SIN3B: variants seen among roughly 807,000 people sequenced by gnomAD.
SIN3B encodes the protein SIN3 transcription regulator family member B, also known as paired amphipathic helix protein Sin3b.
A neutral mutation model predicts 120.2 loss-of-function variants in SIN3B; 19 were observed. The ratio of observed to expected loss-of-function variants is 0.16; its 90% CI spans 0.11 to 0.23. The LOEUF (loss-of-function observed/expected upper bound fraction) is 0.23, where lower values mean the gene tolerates loss of function less well. SIN3B is among the 10% of genes least tolerant of loss of function. The pLI, the probability that SIN3B is intolerant of heterozygous loss-of-function variation, is 1.00. For missense variants in SIN3B, 1,073 were observed against 1,573.0 expected (o/e 0.68, Z 5.38); for synonymous variants, 654 against 653.2 (o/e 1.00, Z -0.02).
chr19:16,832,232 C>T (rs906213542), intron 3 of SIN3B, among the ~76,000 whole-genome samples: 2 of 138,638 alleles, frequency 1.4e-5, no homozygotes, highest in African/African-American at 2.7e-5. Flanking sequence ...GAGTCTGGCT[C>T]TGTCACCCAG....
Position 16,833,960 on chromosome 19 carries a change from C to T in SIN3B, c.381+2313C>T, listed in dbSNP as rs143109798. ...CAGGCTGGTCTCGAACTCCTGACCC[C>T]GTGATTCGCCCACCTCTGCCTCCCA... On this transcript the variant is annotated intron_variant, in intron 3 of 18. Coordinates refer to ENST00000248054, the MANE Select transcript of SIN3B (RefSeq NM_001297595.2). Among the ~76,000 whole-genome samples the T allele has an allele frequency of 8.6e-5, 13 of 152,034 alleles. No individual in the cohort carries two copies. The East Asian group carries it at 9.8e-4, about 11-fold the overall frequency.
chr19:16,833,399 C>T (rs986116949), intron 3 of SIN3B, among the ~76,000 whole-genome samples: 3 of 151,252 alleles, frequency 2.0e-5, no homozygotes, highest in East Asian at 2.0e-4. Context: ...TTTGGGGGGC[C>T]GAGATGGGTA....
At chr19:16,858,752 C>G (rs1412077633) in intron 8 of SIN3B, among the ~76,000 whole-genome samples, 1 of 151,952 alleles carries the variant, frequency 6.6e-6, no homozygotes, top group Non-Finnish European at 1.5e-5. Context: ...GAGTTCAAGA[C>G]CAGCGTAACC....
chr19:16,849,279 A>G (rs1374073081), intron 5 of SIN3B, among the ~76,000 whole-genome samples: 2 of 152,238 alleles, frequency 1.3e-5, no homozygotes, highest in Non-Finnish European at 2.9e-5. Context: ...GATAGTAAGT[A>G]TCACAGGCTT....
Position 16,876,387 on chromosome 19 carries a change from G to A in SIN3B, c.2767-99G>A. On this transcript the variant is annotated intron_variant, in intron 15 of 18. Coordinates refer to ENST00000248054, the MANE Select transcript of SIN3B (RefSeq NM_001297595.2). This position sits in a 1 kb window ranked among gnomAD's most constrained non-coding sequence, Gnocchi z 7.1. The stretch of plus-strand genomic sequence containing the variant: ...ACCTGCAGGAAGCATCAGGGCTTTG[G>A]GAGGGTGGCAAAGGCGGGAGGCGGG... 1 of 1,425,246 alleles carries A rather than the reference G, an allele frequency of 7.0e-7. No homozygotes were observed. Among genetic ancestry groups the A allele is most frequent in the Non-Finnish European group, 9.7e-7 (1 of 1,035,928 alleles). The allele number at this position is 1,425,246 out of a possible 1,614,324, so 88.3% of individuals were successfully genotyped here.
chr19:16,876,773 C>G lies in SIN3B; in HGVS notation c.2859+195C>G, dbSNP rs913221356. On this transcript the variant is annotated intron_variant, in intron 16 of 18. Coordinates refer to ENST00000248054, the MANE Select transcript of SIN3B (RefSeq NM_001297595.2). This position sits in a 1 kb window ranked among gnomAD's most constrained non-coding sequence, Gnocchi z 7.1. Reference sequence around the variant, plus strand: ...CCCCACCAGGCTCTCTTCTGTGCCCCCTCTCCAAAGAGCAGACCACTCCTC... The same window carrying G: ...CCCCACCAGGCTCTCTTCTGTGCCCGCTCTCCAAAGAGCAGACCACTCCTC... Among the ~76,000 whole-genome samples, 1 of 152,160 alleles carries G rather than the reference C, an allele frequency of 6.6e-6. No homozygotes were observed. Among genetic ancestry groups the G allele is most frequent in the South Asian group, 2.1e-4 (1 of 4,834 alleles).
intron 14 of SIN3B, among the ~76,000 whole-genome samples, chr19:16,875,266 T>G (rs967506076): frequency 6.5e-5 from 9 of 139,168 alleles, no homozygotes; most frequent in East Asian, 2.3e-4. Flanking sequence ...GGTCTGGTTT[T>G]GGTCTGGTTT....
At chr19:16,872,014 C>T (rs2051518194) in intron 14 of SIN3B, among the ~76,000 whole-genome samples, 1 of 151,996 alleles carries the variant, frequency 6.6e-6, no homozygotes, top group South Asian at 2.1e-4. Context: ...GTAGCAAAAA[C>T]CCAGGCCCCA....
chr19:16,854,281 G>A lies in SIN3B; in HGVS notation c.1058+20G>A, dbSNP rs748032730. On this transcript the variant is annotated intron_variant, in intron 8 of 18. Coordinates refer to ENST00000248054, the MANE Select transcript of SIN3B (RefSeq NM_001297595.2). ...TCTGGGGTGAGCAGCTGACTTCCCA[G>A]GGCTCCCTAGGGGGGTTCTGTTCCT... is the stretch of plus-strand genomic sequence containing the variant. The A allele has an allele frequency of 2.6e-6, 4 of 1,524,724 alleles. No individual in the cohort carries two copies. In the Admixed American group the frequency reaches 6.8e-5, roughly 26 times the overall value. 94.4% of individuals were successfully genotyped at this position (1,524,724 alleles called of 1,614,324 possible).
At chr19:16,831,086 G>A (rs899629480) in intron 2 of SIN3B, among the ~76,000 whole-genome samples, 5 of 149,256 alleles carry the variant, frequency 3.3e-5, no homozygotes, top group African/African-American at 9.9e-5. Context: ...TTTTTGAGAT[G>A]GATTCTCGTG....
intron 6 of SIN3B, among the ~76,000 whole-genome samples, chr19:16,852,410 G>T (rs1971557373): frequency 6.6e-6 from 1 of 152,164 alleles, no homozygotes; most frequent in Non-Finnish European, 1.5e-5. Context: ...CCACAGGTGT[G>T]CACCACCACA....
At chr19:16,853,211 G>A (rs770001902) in intron 7 of SIN3B, 53 bp downstream of exon 7, 115 of 1,525,206 alleles carry the variant, frequency 7.5e-5, no homozygotes, top group Non-Finnish European at 1.0e-4. Context: ...AGCTGGCTGG[G>A]CCAATGCTCC....
Position 16,862,029 on chromosome 19 carries a change from A to G in SIN3B, c.1059-323A>G, listed in dbSNP as rs574980235. Reference sequence around the variant, plus strand: ...GCCTGAAGCCTGGCCTCTTCCAGTCAGGGAACATCAGGGGTTCCAGCTTCT... The same window carrying G: ...GCCTGAAGCCTGGCCTCTTCCAGTCGGGGAACATCAGGGGTTCCAGCTTCT... On this transcript the variant is annotated intron_variant, in intron 8 of 18. Transcript: ENST00000248054. This position sits in a 1 kb window ranked among gnomAD's most constrained non-coding sequence, Gnocchi z 4.7. Among the ~76,000 whole-genome samples the G allele has an allele frequency of 1.3e-5, 2 of 152,344 alleles. No homozygotes were observed. Among genetic ancestry groups the G allele is most frequent in the South Asian group, 4.1e-4 (2 of 4,830 alleles).
At chr19:16,848,071 C>T (rs1332656775) in intron 5 of SIN3B, among the ~76,000 whole-genome samples, 3 of 152,282 alleles carry the variant, frequency 2.0e-5, no homozygotes, top group South Asian at 2.1e-4. Context: ...CATGTCGTAC[C>T]GTGGATCAGT....
intron 6 of SIN3B, among the ~76,000 whole-genome samples, chr19:16,852,385 T>A (rs1366944910): frequency 1.3e-5 from 2 of 152,134 alleles, no homozygotes; most frequent in Non-Finnish European, 2.9e-5. Context: ...ACCTCAGCCT[T>A]CCAAGTAGCT....
At chr19:16,852,124 T>A (rs1971553650) in intron 6 of SIN3B, among the ~76,000 whole-genome samples, 1 of 152,166 alleles carries the variant, frequency 6.6e-6, no homozygotes, top group South Asian at 2.1e-4. Flanking sequence ...TTGGCTCTTG[T>A]GTCCTTTTTT....
Position 16,851,375 on chromosome 19 carries a change from G to A in SIN3B, c.727-37G>A, listed in dbSNP as rs76817059. ...TGCTCAGGTGCATGGGTCCAGCCACGTCTCCGGTGCTGACCACCTCCCACA... is the reference window on the plus strand; with the variant it reads ...TGCTCAGGTGCATGGGTCCAGCCACATCTCCGGTGCTGACCACCTCCCACA... On this transcript the variant is annotated intron_variant, in intron 5 of 18. Coordinates refer to ENST00000248054, the MANE Select transcript of SIN3B (RefSeq NM_001297595.2). 9.1e-6 allele frequency: 14 copies of A among 1,541,310 alleles called. No homozygotes were observed. In the African/African-American group the frequency reaches 9.6e-5, roughly 11 times the overall value.
At chr19:16,861,998 T>G (rs1046078114) in intron 8 of SIN3B, among the ~76,000 whole-genome samples, 1 of 152,196 alleles carries the variant, frequency 6.6e-6, no homozygotes, top group African/African-American at 2.4e-5. Context: ...GGCTTGCCAC[T>G]CCCTGGCCTG....
chr19:16,876,665 C>A lies in SIN3B; in HGVS notation c.2859+87C>A. 1.9e-6 allele frequency: 2 copies of A among 1,051,072 alleles called. No individual in the cohort carries two copies. The highest frequency in any genetic ancestry group is 2.2e-5 in the Admixed American group (1 of 45,698). The allele number at this position is 1,051,072 out of a possible 1,614,324, so 65.1% of individuals were successfully genotyped here. ...GGGCTCCCACCAGCCAAGCGCAGGC[C>A]GCGCAGCATCCAGAGACCCTCCCTC... On this transcript the variant is annotated intron_variant, in intron 16 of 18. Transcript: ENST00000248054. The surrounding 1 kb of genome is among the most constrained non-coding windows in gnomAD (Gnocchi z 7.1).
Sources: allele counts gnomAD v4.1 joint callset (sites outside exome capture counted in the v4.1 genomes callset), GRCh38; gene constraint gnomAD v4.1.1; non-coding constraint Gnocchi (gnomAD v3.1); transcripts MANE v1.5; gene names NCBI Gene and HGNC (gene_info 2026-07-23, HGNC 2026-07-21).